The following TBC1D4 variants were observed in gnomAD, a reference collection of about 807,000 sequenced individuals.
TBC1D4 encodes the protein TBC1 domain family member 4, also known as TBC (Tre-2, BUB2, CDC16) domain-containing protein.
A neutral mutation model predicts 142.5 loss-of-function variants in TBC1D4; 121 were observed. The ratio of observed to expected loss-of-function variants is 0.85; its 90% CI spans 0.73 to 0.99. The LOEUF (loss-of-function observed/expected upper bound fraction) is 0.99. Ranked by LOEUF, TBC1D4 falls within the 50% of genes least tolerant of loss-of-function variation. TBC1D4 has a pLI of 0.00. For missense variants in TBC1D4, 1,475 were observed against 1,606.6 expected (o/e 0.92, Z 1.40); for synonymous variants, 630 against 628.2 (o/e 1.00, Z -0.04).
At chr13:75,339,228 C>T (rs2138067159) in intron 7 of TBC1D4, among the ~76,000 whole-genome samples, 1 of 152,244 alleles carries the variant, frequency 6.6e-6, no homozygotes, top group Admixed American at 6.5e-5. Context: ...AAGATTTGTG[C>T]AATAATTAAA....
chr13:75,304,638 G>T (rs1467578727), intron 15 of TBC1D4, among the ~76,000 whole-genome samples: 1 of 152,070 alleles, frequency 6.6e-6, no homozygotes, highest in African/African-American at 2.4e-5. Flanking sequence ...GGGACCTGAG[G>T]GATAATAGGA....
chr13:75,331,915 A>G (rs1486786406), intron 8 of TBC1D4, among the ~76,000 whole-genome samples: 1 of 152,122 alleles, frequency 6.6e-6, no homozygotes, highest in African/African-American at 2.4e-5. Context: ...TTAATACAAC[A>G]TGGGGAGCTG....
chr13:75,302,622 G>A, intron 15 of TBC1D4: 1 of 593,840 alleles, frequency 1.7e-6, no homozygotes, highest in South Asian at 2.0e-5. Context: ...TTACGATAAT[G>A]ACAATATTAA....
At chr13:75,437,846 T>C (rs570988587) in intron 1 of TBC1D4, among the ~76,000 whole-genome samples, 14 of 152,326 alleles carry the variant, frequency 9.2e-5, no homozygotes, top group African/African-American at 1.9e-4. Flanking sequence ...TGTGAACTAT[T>C]TGAAGATGCA....
At chr13:75,301,213 G>A (rs1001193243) in intron 16 of TBC1D4, among the ~76,000 whole-genome samples, 1 of 152,002 alleles carries the variant, frequency 6.6e-6, no homozygotes, top group Non-Finnish European at 1.5e-5. Context: ...GTGGTCAAAT[G>A]CCAATATATA....
intron 16 of TBC1D4, 107 bp downstream of exon 16, chr13:75,302,136 C>A: frequency 7.2e-7 from 1 of 1,396,356 alleles, no homozygotes; most frequent in South Asian, 1.2e-5. Flanking sequence ...TCTGCATATG[C>A]CAACAGGTGC....
At chr13:75,296,313 C>T (rs1182821411) in intron 17 of TBC1D4, among the ~76,000 whole-genome samples, 1 of 151,588 alleles carries the variant, frequency 6.6e-6, no homozygotes, top group African/African-American at 2.4e-5. Context: ...CATCTATCAA[C>T]AAAAGAGTTA....
At chr13:75,372,674 T>A (rs1012652055) in intron 1 of TBC1D4, among the ~76,000 whole-genome samples, 5 of 152,044 alleles carry the variant, frequency 3.3e-5, no homozygotes, top group African/African-American at 4.8e-5. Context: ...CAAAAAAAAA[T>A]TTTTTTAAAG....
intron 1 of TBC1D4, among the ~76,000 whole-genome samples, chr13:75,467,883 G>A (rs750356552): frequency 5.3e-5 from 8 of 152,100 alleles, no homozygotes; most frequent in Non-Finnish European, 8.8e-5. Flanking sequence ...TGCTGTTTTC[G>A]CAAATAAAGA....
At chr13:75,305,005 T>C (rs1318079430) in intron 15 of TBC1D4, among the ~76,000 whole-genome samples, 1 of 152,172 alleles carries the variant, frequency 6.6e-6, no homozygotes, top group Non-Finnish European at 1.5e-5. Flanking sequence ...GTAGCTCCCA[T>C]AATTCCATGT....
intron 1 of TBC1D4, among the ~76,000 whole-genome samples, chr13:75,418,663 A>G (rs1682925451): frequency 6.6e-6 from 1 of 152,226 alleles, no homozygotes; most frequent in Admixed American, 6.5e-5. Flanking sequence ...AAATACAGGC[A>G]GCTTGAAGAC....
chr13:75,462,839 G>A (rs183754372), intron 1 of TBC1D4, among the ~76,000 whole-genome samples: 3 of 152,104 alleles, frequency 2.0e-5, no homozygotes, highest in Admixed American at 1.3e-4. Context: ...CCCGCTGCTT[G>A]TAACACCGCT....
intron 14 of TBC1D4, 45 bp from the exon 15 acceptor site, chr13:75,306,516 T>G: frequency 6.2e-7 from 1 of 1,607,482 alleles, no homozygotes; most frequent in Non-Finnish European, 8.5e-7. Flanking sequence ...GTTTTTCAAA[T>G]GTAAAACTTT....
chr13:75,317,491 TAAAA>T (rs1390550228), intron 12 of TBC1D4, among the ~76,000 whole-genome samples: 3 of 152,130 alleles, frequency 2.0e-5, no homozygotes, highest in African/African-American at 7.2e-5. Flanking sequence ...AAGGACCAAA[TAAAA>T]AAACACCTAA....
Position 75,456,752 on chromosome 13 carries a change from A to G in TBC1D4, c.498+24518T>C, listed in dbSNP as rs1412806549. ...AACCTGGCAGTATCTAGTAAGCCCAAACCAATGCTATCCAAAGACCTAGCA... is the reference window on the plus strand; with the variant it reads ...AACCTGGCAGTATCTAGTAAGCCCAGACCAATGCTATCCAAAGACCTAGCA... On this transcript the variant is annotated intron_variant, in intron 1 of 20. Coordinates refer to ENST00000377636, the MANE Select transcript of TBC1D4 (RefSeq NM_014832.5). Among the ~76,000 whole-genome samples, 17 of 149,862 alleles carry G rather than the reference A, an allele frequency of 1.1e-4. 1 individual carries two copies. The Admixed American group carries it at 1.2e-3, about 10-fold the overall frequency.
At chr13:75,447,890 A>G (rs905025451) in intron 1 of TBC1D4, among the ~76,000 whole-genome samples, 8 of 152,140 alleles carry the variant, frequency 5.3e-5, no homozygotes, top group African/African-American at 1.9e-4. Context: ...ATGCCTAGAT[A>G]GGGCTGTCTA....
At chr13:75,331,390 C>T (rs74399377) in intron 8 of TBC1D4, among the ~76,000 whole-genome samples, 3 of 152,106 alleles carry the variant, frequency 2.0e-5, no homozygotes, top group East Asian at 3.9e-4. Context: ...GTCCTAGCTA[C>T]TTGGGAGGCT....
chr13:75,375,954 G>A (rs1425188936), intron 1 of TBC1D4: 2 of 152,108 alleles, frequency 1.3e-5, no homozygotes, highest in South Asian at 2.1e-4. Flanking sequence ...TCCGTTACTA[G>A]AGAAGAAGGA....
intron 1 of TBC1D4, among the ~76,000 whole-genome samples, chr13:75,418,483 A>G (rs534705900): frequency 6.6e-6 from 1 of 152,308 alleles, no homozygotes; most frequent in East Asian, 1.9e-4. Context: ...TAGCAAACAA[A>G]AGATCCTAAA....
Sources: allele counts gnomAD v4.1 joint callset (sites outside exome capture counted in the v4.1 genomes callset), GRCh38; gene constraint gnomAD v4.1.1; transcripts MANE v1.5; gene names NCBI Gene and HGNC (gene_info 2026-07-23, HGNC 2026-07-21).